The following OR9Q1 variants were observed in gnomAD, a reference collection of about 807,000 sequenced individuals.
OR9Q1 encodes olfactory receptor 9Q1.
For synonymous variants in OR9Q1, 153 were observed against 148.6 expected, an observed-to-expected ratio of 1.03 and a Z score of -0.22; for missense variants, 374 against 378.8, an observed-to-expected ratio of 0.99 and a Z score of 0.11.
intron 2 of OR9Q1, among the ~76,000 whole-genome samples, chr11:58,093,194 C>A (rs1055470953): frequency 2.6e-5 from 4 of 152,010 alleles, no homozygotes; most frequent in African/African-American, 9.7e-5. Context: ...TTTCATAATT[C>A]AATAAAAATA....
rs1052849182 is a variant in OR9Q1, at chr11:58,177,357, C to T, written c.-14-2074C>T. On this transcript the variant is annotated intron_variant, in intron 2 of 2. Coordinates refer to ENST00000335397, the MANE Select transcript of OR9Q1 (RefSeq NM_001005212.4). ...GTTTTGTTTCTAATGGCCGTTCCAC[C>T]ACTTCTGAGCTGTGCAGCCTTGGGA... is the stretch of plus-strand genomic sequence containing the variant. 3.3e-5 allele frequency among the ~76,000 whole-genome samples: 5 copies of T among 152,282 alleles called. No homozygotes were observed. The East Asian group carries it at 9.6e-4, about 29-fold the overall frequency.
At chr11:58,047,099 T>C (rs1565059476) in intron 1 of OR9Q1, among the ~76,000 whole-genome samples, 1 of 152,258 alleles carries the variant, frequency 6.6e-6, no homozygotes, top group Non-Finnish European at 1.5e-5. Context: ...GTTTTCCCAT[T>C]TGCTCATTAG....
intron 2 of OR9Q1, among the ~76,000 whole-genome samples, chr11:58,150,413 T>G (rs909806971): frequency 1.3e-5 from 2 of 152,176 alleles, no homozygotes; most frequent in Non-Finnish European, 2.9e-5. Flanking sequence ...CTGGGCAATA[T>G]GATGAGACCT....
chr11:58,069,838 C>G (rs1312185751), intron 2 of OR9Q1, among the ~76,000 whole-genome samples: 1 of 151,840 alleles, frequency 6.6e-6, no homozygotes, highest in East Asian at 2.0e-4. Flanking sequence ...CCACTGCATT[C>G]CAGCCTGTGT....
Position 58,181,013 on chromosome 11 carries a change from T to C in OR9Q1, c.*636T>C, listed in dbSNP as rs1326085812. 6.0e-6 allele frequency: 1 copy of C among 167,092 alleles called. No homozygotes were observed. Among genetic ancestry groups the C allele is most frequent in the African/African-American group, 2.4e-5 (1 of 41,468 alleles). The allele number at this position is 167,092 out of a possible 1,614,324, so 10.4% of individuals were successfully genotyped here. A position where few individuals can be genotyped will look rare whatever the true frequency, so the allele number is the denominator to read the frequency against. ...CGTTTGATGATCCAATTAGCAAAGC[T>C]GACCCTACTCAAGGTATGCCTTAAT... On this transcript the variant is annotated 3_prime_UTR_variant, in exon 3 of 3. Coordinates refer to ENST00000335397, the MANE Select transcript of OR9Q1 (RefSeq NM_001005212.4).
At chr11:58,144,908 C>G (rs149612381) in intron 2 of OR9Q1, 1 of 152,546 alleles carries the variant, frequency 6.6e-6, no homozygotes, top group African/African-American at 2.4e-5. Context: ...ACCCGCCTGG[C>G]GCTGCTGGCC....
chr11:58,024,279 C>A lies in OR9Q1; in HGVS notation c.-93+175C>A, dbSNP rs1852948610. 2.0e-5 allele frequency among the ~76,000 whole-genome samples: 3 copies of A among 152,174 alleles called. No homozygotes were observed. The South Asian group carries it at 6.2e-4, about 32-fold the overall frequency. On this transcript the variant is annotated intron_variant, in intron 1 of 2. Transcript: ENST00000335397. ...AGAGAGCAGGTCTCCGGGCTTCATC[C>A]TGGGCATCTCCTAGCCCCGCTGTCT...
intron 2 of OR9Q1, among the ~76,000 whole-genome samples, chr11:58,143,037 A>G (rs1015544701): frequency 6.6e-6 from 1 of 152,304 alleles, no homozygotes. Context: ...CTGGCATACA[A>G]ATCCATTGTG....
At chr11:58,146,230 A>G (rs1488119907) in intron 2 of OR9Q1, among the ~76,000 whole-genome samples, 3 of 152,164 alleles carry the variant, frequency 2.0e-5, no homozygotes, top group Non-Finnish European at 4.4e-5. Context: ...AACTCAAGTT[A>G]TTTCCTATTC....
chr11:58,157,822 A>G (rs1854422042), intron 2 of OR9Q1, among the ~76,000 whole-genome samples: 1 of 152,218 alleles, frequency 6.6e-6, no homozygotes, highest in Admixed American at 6.5e-5. Context: ...TGAAAACTGG[A>G]GAAGCAGACG....
In OR9Q1 at chr11:58,027,236, A is replaced by G. The variant is rs1226590365; in HGVS notation, c.-93+3132A>G. Among the ~76,000 whole-genome samples, 5 of 152,318 alleles carry G rather than the reference A, an allele frequency of 3.3e-5. No individual in the cohort carries two copies. The East Asian group carries it at 9.7e-4, about 29-fold the overall frequency. ...CCATTTCTCTGCAGAACAAGAGACA[A>G]CAGATAATTTGAGGACAGTTTGGCT... On this transcript the variant is annotated intron_variant, in intron 1 of 2. Transcript: ENST00000335397.
In OR9Q1 at chr11:58,073,827, G is replaced by T. The variant is rs145719282; in HGVS notation, c.-15+17880G>T. 5.5e-3 allele frequency among the ~76,000 whole-genome samples: 838 copies of T among 152,152 alleles called. 7 individuals carry two copies. The highest frequency in any genetic ancestry group is 0.019 in the African/African-American group (790 of 41,486). On this transcript the variant is annotated intron_variant, in intron 2 of 2. Coordinates refer to ENST00000335397, the MANE Select transcript of OR9Q1 (RefSeq NM_001005212.4). ...TGCCCCCCATGCCCTTACAGGCCCT[G>T]GTGTGTGATGTTTCCCTCCCTGTGT... is the stretch of plus-strand genomic sequence containing the variant.
At chr11:58,081,990 A>C (rs1853592106) in intron 2 of OR9Q1, among the ~76,000 whole-genome samples, 1 of 152,136 alleles carries the variant, frequency 6.6e-6, no homozygotes, top group South Asian at 2.1e-4. Flanking sequence ...TCATTTATGC[A>C]GCCAAAAGAC....
rs151136466 is a variant in OR9Q1 at position 58,133,653 on chromosome 11, A to G, written c.-14-45778A>G. Among the ~76,000 whole-genome samples, 83 of 152,330 alleles carry G rather than the reference A, an allele frequency of 5.4e-4. No individual in the cohort carries two copies. The East Asian group carries it at 0.012, about 23-fold the overall frequency. ...AGAAGACATAGAAAGGTGAGATCAC[A>G]TGGAAAAGTGGGGAGGCTATTTACA... On this transcript the variant is annotated intron_variant, in intron 2 of 2. Coordinates refer to ENST00000335397, the MANE Select transcript of OR9Q1 (RefSeq NM_001005212.4).
chr11:58,069,452 T>C (rs1389515466), intron 2 of OR9Q1, among the ~76,000 whole-genome samples: 2 of 152,134 alleles, frequency 1.3e-5, no homozygotes, highest in Non-Finnish European at 2.9e-5. Flanking sequence ...TCTCTTGCCC[T>C]GAGTACTGGT....
chr11:58,037,689 A>ATATATATAGT (rs1853119570), intron 1 of OR9Q1, among the ~76,000 whole-genome samples: 36 of 6,992 alleles, frequency 5.1e-3, no homozygotes, highest in Non-Finnish European at 6.3e-3. Context: ...ATATATATAT[A>ATATATATAGT]TTTTTTTTTT....
At position 58,076,885 on chromosome 11, in the gene OR9Q1, G is replaced by T. The variant is rs375083951; in HGVS notation, c.-15+20938G>T. On this transcript the variant is annotated intron_variant, in intron 2 of 2. Coordinates refer to ENST00000335397, the MANE Select transcript of OR9Q1 (RefSeq NM_001005212.4). ...TTCACTATAGAATAAATGAATATAT[G>T]TGAATCCCTACAGATCCCAAATCTT... Among the ~76,000 whole-genome samples the T allele has an allele frequency of 1.6e-4, 25 of 152,266 alleles. No individual in the cohort carries two copies. The East Asian group carries it at 4.4e-3, about 27-fold the overall frequency.
At chr11:58,104,591 G>T (rs955082580) in intron 2 of OR9Q1, among the ~76,000 whole-genome samples, 1 of 152,084 alleles carries the variant, frequency 6.6e-6, no homozygotes, top group Non-Finnish European at 1.5e-5. Flanking sequence ...ATGATTTTTT[G>T]GAATGTTAAT....
chr11:58,115,794 G>C lies in OR9Q1; in HGVS notation c.-15+59847G>C, dbSNP rs1348471411. 3.3e-5 allele frequency among the ~76,000 whole-genome samples: 5 copies of C among 152,094 alleles called. 1 individual carries two copies. In the South Asian group the frequency reaches 1.0e-3, roughly 32 times the overall value. On this transcript the variant is annotated intron_variant, in intron 2 of 2. Coordinates refer to ENST00000335397, the MANE Select transcript of OR9Q1 (RefSeq NM_001005212.4). ...AAAGAAGTACCTTAAAATGAATACA[G>C]TTTAATAAAAATCTTTAAAAACAAA...
Sources: allele counts gnomAD v4.1 joint callset (sites outside exome capture counted in the v4.1 genomes callset), GRCh38; gene constraint gnomAD v4.1.1; transcripts MANE v1.5; gene names NCBI Gene and HGNC (gene_info 2026-07-23, HGNC 2026-07-21).